Variants in VPS8 observed in about 807,000 individuals in gnomAD.
VPS8 encodes the protein vacuolar protein sorting-associated protein 8 homolog.
A neutral mutation model predicts 216.4 loss-of-function variants in VPS8; 129 were observed. The observed-to-expected ratio is 0.60, with a 90% CI of 0.52 to 0.69. The LOEUF is 0.69. Ranked by LOEUF, VPS8 falls within the 30% of genes least tolerant of loss-of-function variation. The probability of loss-of-function intolerance (pLI) is 0.00; values close to 1 mark genes in which losing one functional copy is unlikely to be tolerated. For synonymous variants in VPS8, 571 were observed against 565.4 expected (o/e 1.01, Z -0.14); for missense variants, 1,531 against 1,683.5 (o/e 0.91, Z 1.59).
intron 46 of VPS8, among the ~76,000 whole-genome samples, chr3:185,044,858 A>G (rs560701961): frequency 3.9e-5 from 6 of 152,326 alleles, no homozygotes; most frequent in East Asian, 1.9e-4. Context: ...ATGAGGGTCT[A>G]TGAAGAGTCA....
At chr3:184,887,442 G>C (rs1578084728) in intron 22 of VPS8, among the ~76,000 whole-genome samples, 1 of 151,628 alleles carries the variant, frequency 6.6e-6, no homozygotes, top group African/African-American at 2.4e-5. Flanking sequence ...TGATAACCAG[G>C]TATTGTTCTA....
intron 46 of VPS8, among the ~76,000 whole-genome samples, chr3:185,037,078 T>TA (rs1462018721): frequency 2.6e-5 from 4 of 151,754 alleles, no homozygotes; most frequent in Non-Finnish European, 4.4e-5. Context: ...TTTTTTTTTT[T>TA]AACATGGATT....
chr3:185,033,390 T>G (rs550215933), intron 46 of VPS8, among the ~76,000 whole-genome samples: 1 of 152,340 alleles, frequency 6.6e-6, no homozygotes, highest in African/African-American at 2.4e-5. Context: ...ATATAGGCTT[T>G]CTAACTTGGC....
rs574564860 is a variant in VPS8 at position 185,048,641 on chromosome 3, C to T, written c.4137+82C>T. On this transcript the variant is annotated intron_variant, in intron 47 of 47. Coordinates refer to ENST00000625842, the MANE Select transcript of VPS8 (RefSeq NM_001009921.3). ...AGACAGGCAGTGTCTTGGAACCTCC[C>T]TCTAGCCTCCTTCTAGCCTGGAAGG... 30 of 1,472,196 alleles carry T rather than the reference C, an allele frequency of 2.0e-5. 1 individual carries two copies. In the South Asian group the frequency reaches 3.5e-4, roughly 17 times the overall value. 91.2% of individuals were successfully genotyped at this position (1,472,196 alleles called of 1,614,324 possible).
chr3:184,967,980 A>G (rs1747705567), intron 39 of VPS8, among the ~76,000 whole-genome samples: 1 of 152,148 alleles, frequency 6.6e-6, no homozygotes, highest in Admixed American at 6.6e-5. Flanking sequence ...ATCCACCTCC[A>G]AATTTTTTAA....
chr3:184,942,775 A>G (rs1369373412), intron 36 of VPS8, among the ~76,000 whole-genome samples: 2 of 152,242 alleles, frequency 1.3e-5, no homozygotes, highest in African/African-American at 2.4e-5. Flanking sequence ...TGGCATTTCA[A>G]TCATTTTTAT....
chr3:184,957,539 A>G lies in VPS8; in HGVS notation c.3183+18A>G, dbSNP rs759301759. The G allele has an allele frequency of 1.2e-6, 2 of 1,600,076 alleles. No individual in the cohort carries two copies. The highest frequency in any genetic ancestry group is 8.5e-7 in the Non-Finnish European group (1 of 1,173,908). ...CTATTCAGGTGAGACGAACAATGTA[A>G]AAGAGACAAGAGTAAACTCTTCTTA... is the stretch of plus-strand genomic sequence containing the variant. On this transcript the variant is annotated intron_variant, in intron 37 of 47. Coordinates refer to ENST00000625842, the MANE Select transcript of VPS8 (RefSeq NM_001009921.3).
intron 23 of VPS8, among the ~76,000 whole-genome samples, chr3:184,895,506 G>A (rs1389044880): frequency 6.8e-6 from 1 of 147,712 alleles, no homozygotes; most frequent in East Asian, 2.0e-4. Context: ...TCTTAATTGA[G>A]TTTCTTGAAA....
At position 184,824,668 on chromosome 3, in the gene VPS8, GAGC is replaced by G; in HGVS notation, c.37_39del (p.Ser13del). The G allele has an allele frequency of 6.2e-7, 1 of 1,613,956 alleles. No individual in the cohort carries two copies. The highest frequency in any genetic ancestry group is 8.5e-7 in the Non-Finnish European group (1 of 1,179,878). ...AACCAGACCATGAAAATGTGGAACA[GAGC>G]CTCTGTGCCAAGACGAGCGAAGAAG... On this transcript the variant is annotated inframe_deletion, in exon 2 of 48. Coordinates refer to ENST00000625842, the MANE Select transcript of VPS8 (RefSeq NM_001009921.3).
chr3:184,927,302 T>C (rs946402950), intron 31 of VPS8, among the ~76,000 whole-genome samples: 6 of 152,142 alleles, frequency 3.9e-5, no homozygotes, highest in Non-Finnish European at 7.4e-5. Flanking sequence ...TTAAGTACCA[T>C]GAGAGCTGTG....
intron 4 of VPS8, among the ~76,000 whole-genome samples, chr3:184,834,010 G>A (rs1467489051): frequency 6.6e-6 from 1 of 152,144 alleles, no homozygotes; most frequent in Non-Finnish European, 1.5e-5. Context: ...GTGATACAAA[G>A]TAGGTGCTCA....
chr3:185,031,061 G>C (rs1372029655), intron 46 of VPS8, among the ~76,000 whole-genome samples: 1 of 121,164 alleles, frequency 8.3e-6, no homozygotes, highest in East Asian at 2.3e-4. Context: ...TTACAGGTTG[G>C]CGTTTTTTTT....
Position 184,994,073 on chromosome 3 carries a change from C to A in VPS8, c.3666+10C>A. The stretch of plus-strand genomic sequence containing the variant: ...CTTTAACTATGAACAAGTAAGTAAG[C>A]TACTTGTTACATCTAAGTCTGTCCT... On this transcript the variant is annotated intron_variant, in intron 43 of 47. Transcript: ENST00000625842. The A allele has an allele frequency of 6.6e-7, 1 of 1,510,460 alleles. No homozygotes were observed. The highest frequency in any genetic ancestry group is 8.9e-7 in the Non-Finnish European group (1 of 1,121,688). 93.6% of individuals were successfully genotyped at this position (1,510,460 alleles called of 1,614,324 possible).
rs764280024 is a variant in VPS8 at position 185,051,906 on chromosome 3, C to T, written c.4168C>T (p.Arg1390Cys). 4 of 1,610,344 alleles carry T rather than the reference C, an allele frequency of 2.5e-6. No individual in the cohort carries two copies. The highest frequency in any genetic ancestry group is 3.4e-6 in the Non-Finnish European group (4 of 1,178,212). Residue 1390 changes from arginine (R) to cysteine (C), a missense_variant, in exon 48 of 48, where the codon CGC becomes TGC. By Grantham distance (180) the Arg-to-Cys change is radical. This residue lies in a region of VPS8 where 1,318 missense variants were observed against 1,468.4 expected (regional missense o/e 0.90). Transcript: ENST00000625842. ...TCTCCTCACGGAACTCTCCCAGAAT[C>T]GCAGCAGCGAGAGCTATAGGCCATT... ...LALLTELSQN[R>C]SSESYRPFSG...
intron 28 of VPS8, 48 bp from the exon 29 acceptor site, chr3:184,920,079 A>G (rs1377654864): frequency 8.9e-6 from 11 of 1,242,358 alleles, no homozygotes; most frequent in Non-Finnish European, 1.2e-5. Context: ...GTTTTCTTCT[A>G]CATGTGCAAA....
At chr3:185,049,218 A>C (rs9860748) in intron 47 of VPS8, among the ~76,000 whole-genome samples, 72,979 of 152,026 alleles carry the variant, frequency 0.48, 17,830 homozygotes, top group East Asian at 0.67. Flanking sequence ...TCTTGGTCTA[A>C]TCTAACTGTG....
chr3:184,852,261 C>T (rs535377521), intron 10 of VPS8, among the ~76,000 whole-genome samples: 21 of 152,026 alleles, frequency 1.4e-4, no homozygotes, highest in African/African-American at 4.8e-4. Flanking sequence ...TTTCTTTTAT[C>T]GTGATGAAAG....
chr3:185,006,777 A>G (rs1400768447), intron 45 of VPS8, among the ~76,000 whole-genome samples: 1 of 152,210 alleles, frequency 6.6e-6, no homozygotes, highest in Non-Finnish European at 1.5e-5. Context: ...GTTGCTGTCT[A>G]CACCTAGAAG....
At chr3:184,858,818 A>G (rs917121406) in intron 14 of VPS8, among the ~76,000 whole-genome samples, 8 of 152,114 alleles carry the variant, frequency 5.3e-5, no homozygotes, top group African/African-American at 1.7e-4. Flanking sequence ...CCTGGTCTGC[A>G]TTTGCTTTGA....
Sources: gnomAD v4.1 joint callset for allele counts (sites outside exome capture counted in the v4.1 genomes callset) on GRCh38, gnomAD v4.1.1 for gene constraint, gnomAD v4.1.1 regional missense constraint, MANE v1.5 for transcripts, NCBI Gene and HGNC (gene_info 2026-07-23, HGNC 2026-07-21) for gene names.